The following STK32C variants were observed in gnomAD, a reference collection of about 807,000 sequenced individuals.
The protein encoded by STK32C is serine/threonine kinase 32C.
STK32C carries 31 observed loss-of-function variants against 56.5 expected under a neutral mutation model. The ratio of observed to expected loss-of-function variants is 0.55; its 90% CI spans 0.41 to 0.74. STK32C has a LOEUF of 0.74. STK32C is among the 30% of genes least tolerant of loss of function. STK32C has a pLI of 0.00. For synonymous variants in STK32C, 309 were observed against 289.4 expected (o/e 1.07, Z -0.69); for missense variants, 544 against 676.9 (o/e 0.80, Z 2.18).
chr10:132,220,462 T>C (rs1256982152), intron 10 of STK32C, among the ~76,000 whole-genome samples: 1 of 152,252 alleles, frequency 6.6e-6, no homozygotes, highest in Non-Finnish European at 1.5e-5. Context: ...TGCTCTATTG[T>C]GAATATCACA....
intron 1 of STK32C, among the ~76,000 whole-genome samples, chr10:132,317,512 G>A (rs1028121787): frequency 2.6e-5 from 4 of 152,174 alleles, no homozygotes; most frequent in Non-Finnish European, 4.4e-5. Context: ...ACACTTGGCC[G>A]GGAAGATTTC....
intron 2 of STK32C, among the ~76,000 whole-genome samples, chr10:132,240,675 G>A (rs1017530431): frequency 5.9e-5 from 9 of 152,100 alleles, no homozygotes; most frequent in South Asian, 2.1e-4. Flanking sequence ...TGGGAAATGC[G>A]GACGCCGTGC....
chr10:132,242,949 A>G (rs1049219076), intron 2 of STK32C, among the ~76,000 whole-genome samples: 4 of 152,148 alleles, frequency 2.6e-5, no homozygotes, highest in African/African-American at 9.7e-5. Flanking sequence ...GGAAAGGTCA[A>G]TGGCTTTTAA....
intron 1 of STK32C, among the ~76,000 whole-genome samples, chr10:132,301,691 C>T (rs2065915516): frequency 6.6e-6 from 1 of 152,246 alleles, no homozygotes; most frequent in Admixed American, 6.5e-5. Context: ...GGTGAAAATG[C>T]AAGATGTGAA....
exon 2 of STK32C, chr10:132,324,194 T>G (rs758609742): frequency 5.1e-6 from 4 of 778,142 alleles, no homozygotes; most frequent in Admixed American, 1.7e-5. Flanking sequence ...TGAGACAAGT[T>G]CACCACTTTG....
chr10:132,231,962 T>A (rs565508741), intron 2 of STK32C, among the ~76,000 whole-genome samples: 1 of 152,388 alleles, frequency 6.6e-6, no homozygotes, highest in East Asian at 1.9e-4. Context: ...GAGAAACTTC[T>A]GTTGTTTGCA....
chr10:132,299,809 G>A (rs1006706541), intron 1 of STK32C, among the ~76,000 whole-genome samples: 14 of 152,212 alleles, frequency 9.2e-5, no homozygotes, highest in Non-Finnish European at 1.8e-4. Flanking sequence ...TTTGAGAAAC[G>A]CGGTGCCAGG....
At chr10:132,278,633 C>T (rs1233606351) in intron 1 of STK32C, among the ~76,000 whole-genome samples, 28 of 151,686 alleles carry the variant, frequency 1.8e-4, no homozygotes, top group Non-Finnish European at 1.8e-4. Flanking sequence ...TGGTGGCAGG[C>T]GCCTGTACTC....
intron 1 of STK32C, among the ~76,000 whole-genome samples, chr10:132,282,096 A>G (rs1258463920): frequency 6.6e-6 from 1 of 152,226 alleles, no homozygotes; most frequent in African/African-American, 2.4e-5. Context: ...TGGGGGCGAC[A>G]GGTGCTGGGC....
chr10:132,299,384 T>C (rs1335314201), intron 1 of STK32C, among the ~76,000 whole-genome samples: 3 of 139,368 alleles, frequency 2.2e-5, no homozygotes, highest in South Asian at 4.6e-4. Context: ...CAGCCAACAG[T>C]GGACTGAGAC....
intron 1 of STK32C, among the ~76,000 whole-genome samples, chr10:132,249,625 T>C (rs1382075545): frequency 6.6e-6 from 1 of 152,020 alleles, no homozygotes; most frequent in African/African-American, 2.4e-5. Flanking sequence ...ATCGTGGCTG[T>C]CCTCTGGATG....
chr10:132,251,083 G>C (rs1374065817), intron 1 of STK32C, among the ~76,000 whole-genome samples: 1 of 152,184 alleles, frequency 6.6e-6, no homozygotes, highest in Non-Finnish European at 1.5e-5. Flanking sequence ...AAGGAGCCCT[G>C]AGCCCCAGGC....
intron 1 of STK32C, among the ~76,000 whole-genome samples, chr10:132,280,951 C>T (rs965798009): frequency 9.4e-5 from 14 of 148,440 alleles, no homozygotes; most frequent in Non-Finnish European, 1.5e-5. Flanking sequence ...CACTGCACTC[C>T]CTGACTACGC....
intron 1 of STK32C, among the ~76,000 whole-genome samples, chr10:132,270,686 C>T (rs2064788946): frequency 6.6e-6 from 1 of 152,198 alleles, no homozygotes; most frequent in African/African-American, 2.4e-5. Flanking sequence ...GGGGTACCAA[C>T]CAGACACCCC....
At chr10:132,311,634 T>A (rs554650788), upstream of STK32C, among the ~76,000 whole-genome samples, 3 of 152,316 alleles carry the variant, frequency 2.0e-5, no homozygotes, top group Non-Finnish European at 4.4e-5. The surrounding 1 kb of genome is among the most constrained non-coding windows in gnomAD (Gnocchi z 4.4). Flanking sequence ...CCCACTGCAG[T>A]GCGCCGGGGC....
chr10:132,237,314 A>G (rs1349322361), intron 2 of STK32C, among the ~76,000 whole-genome samples: 1 of 152,246 alleles, frequency 6.6e-6, no homozygotes, highest in East Asian at 1.9e-4. Context: ...CTCTGGCCTC[A>G]GCTTCCTTGC....
intron 1 of STK32C, among the ~76,000 whole-genome samples, chr10:132,292,758 T>A (rs564390866): frequency 1.3e-5 from 2 of 152,232 alleles, no homozygotes; most frequent in Admixed American, 1.3e-4. Flanking sequence ...GGGAAGCCAC[T>A]CTCAGAGGCC....
At chr10:132,291,015 G>C (rs2065547254) in intron 1 of STK32C, among the ~76,000 whole-genome samples, 2 of 152,186 alleles carry the variant, frequency 1.3e-5, no homozygotes, top group South Asian at 4.1e-4. Context: ...CTCCCTTCCG[G>C]CTCTCTCCTG....
At chr10:132,296,985 C>G (rs954716032) in intron 1 of STK32C, among the ~76,000 whole-genome samples, 1 of 152,238 alleles carries the variant, frequency 6.6e-6, no homozygotes, top group Non-Finnish European at 1.5e-5. Context: ...AGGCGGACAT[C>G]GCCACAGACA....
Sources: allele counts gnomAD v4.1 joint callset (sites outside exome capture counted in the v4.1 genomes callset), GRCh38; gene constraint gnomAD v4.1.1; non-coding constraint Gnocchi (gnomAD v3.1); transcripts MANE v1.5; gene names NCBI Gene and HGNC (gene_info 2026-07-23, HGNC 2026-07-21).